BRINP2: variants seen among roughly 807,000 people sequenced by gnomAD.
BRINP2 encodes BMP/retinoic acid inducible neural specific 2, also known as BMP/retinoic acid-inducible neural-specific protein 2.
In BRINP2, 21 loss-of-function variants were observed where a neutral mutation model predicts 69.2. That is an observed-to-expected ratio of 0.30 (90% CI 0.22 to 0.44). The LOEUF is 0.44. Ranked by LOEUF, BRINP2 falls within the 20% of genes least tolerant of loss-of-function variation. BRINP2 has a pLI of 1.00. For synonymous variants in BRINP2, 380 were observed against 394.1 expected (o/e 0.96, Z 0.42); for missense variants, 877 against 986.0 (o/e 0.89, Z 1.48).
intron 1 of BRINP2, among the ~76,000 whole-genome samples, chr1:177,180,927 G>A (rs1190286659): frequency 6.6e-6 from 1 of 152,196 alleles, no homozygotes; most frequent in Non-Finnish European, 1.5e-5. Context: ...CTCGTTCTCA[G>A]TAATTGAAAA....
At chr1:177,227,719 T>C (rs1649739684) in intron 1 of BRINP2, among the ~76,000 whole-genome samples, 1 of 152,202 alleles carries the variant, frequency 6.6e-6, no homozygotes, top group Non-Finnish European at 1.5e-5. Flanking sequence ...CTGGAACTAA[T>C]TTTCCAATAT....
chr1:177,271,848 C>T (rs564704046), intron 4 of BRINP2, among the ~76,000 whole-genome samples: 26 of 152,270 alleles, frequency 1.7e-4, no homozygotes, highest in African/African-American at 6.3e-4. Flanking sequence ...TGGCTTACTT[C>T]CTTCATAAAG....
At chr1:177,229,339 C>G (rs1649793065) in intron 1 of BRINP2, among the ~76,000 whole-genome samples, 1 of 152,214 alleles carries the variant, frequency 6.6e-6, no homozygotes, top group African/African-American at 2.4e-5. Context: ...AAATGGGTTG[C>G]TTCTCACCTT....
chr1:177,255,275 AAC>A (rs907725838), intron 2 of BRINP2, among the ~76,000 whole-genome samples: 5 of 152,358 alleles, frequency 3.3e-5, no homozygotes, highest in African/African-American at 1.2e-4. Flanking sequence ...TTTGTTTCAG[AAC>A]ATACAGTTGT....
At chr1:177,204,775 C>T (rs941843051) in intron 1 of BRINP2, among the ~76,000 whole-genome samples, 6 of 152,060 alleles carry the variant, frequency 3.9e-5, no homozygotes, top group Admixed American at 2.0e-4. Flanking sequence ...TACCCATAAA[C>T]CTACCAACCA....
Position 177,281,719 on chromosome 1 carries a change from T to TACACAC in BRINP2, c.*206_*211dup, listed in dbSNP as rs113470314. The stretch of plus-strand genomic sequence containing the variant: ...GCTACTGCGTGCGTGCGCGCACGCA[T>TACACAC]ACACACACACACACACACACTGGCA... On this transcript the variant is annotated 3_prime_UTR_variant, in exon 8 of 8. Coordinates refer to ENST00000361539, the MANE Select transcript of BRINP2 (RefSeq NM_021165.4). The TACACAC allele has an allele frequency of 6.9e-5, 38 of 548,780 alleles. No homozygotes were observed. The highest frequency in any genetic ancestry group is 5.4e-4 in the African/African-American group (28 of 52,298). The allele number at this position is 548,780 out of a possible 1,614,324, so 34.0% of individuals were successfully genotyped here.
chr1:177,198,880 G>A (rs936295052), intron 1 of BRINP2, among the ~76,000 whole-genome samples: 1 of 152,150 alleles, frequency 6.6e-6, no homozygotes, highest in East Asian at 1.9e-4. Context: ...AGAGAGAAGA[G>A]CCACTTTTAC....
rs979003846 is a variant in BRINP2, at chr1:177,281,654, G to A, written c.*126G>A. On this transcript the variant is annotated 3_prime_UTR_variant, in exon 8 of 8. Transcript: ENST00000361539. ...CGAGACTTTCAGCATCCAGTAGATG[G>A]GACCTCGAGGCTCGAGCTGAAGCAG... is the stretch of plus-strand genomic sequence containing the variant. The A allele has an allele frequency of 1.5e-6, 2 of 1,293,318 alleles. No homozygotes were observed. The highest frequency in any genetic ancestry group is 2.1e-6 in the Non-Finnish European group (2 of 949,326). 80.1% of individuals were successfully genotyped at this position (1,293,318 alleles called of 1,614,324 possible). A position where few individuals can be genotyped will look rare whatever the true frequency, so the allele number is the denominator to read the frequency against.
intron 2 of BRINP2, among the ~76,000 whole-genome samples, chr1:177,241,899 G>T (rs1650217046): frequency 6.6e-6 from 1 of 152,200 alleles, no homozygotes; most frequent in African/African-American, 2.4e-5. Flanking sequence ...AAATGTGCTG[G>T]AGTTGTGTCT....
intron 1 of BRINP2, among the ~76,000 whole-genome samples, chr1:177,182,584 A>G (rs2102290228): frequency 6.6e-6 from 1 of 152,276 alleles, no homozygotes; most frequent in African/African-American, 2.4e-5. Flanking sequence ...CCCTTAAAGA[A>G]CGCACCAGTA....
chr1:177,256,291 CTATT>C (rs1650753967), intron 3 of BRINP2, 182 bp downstream of exon 3: 3 of 981,488 alleles, frequency 3.1e-6, no homozygotes, highest in Non-Finnish European at 3.6e-6. Context: ...CAGAACATCT[CTATT>C]TAATTATTCC....
intron 2 of BRINP2, among the ~76,000 whole-genome samples, chr1:177,244,015 G>A (rs1414990418): frequency 4.6e-5 from 7 of 152,164 alleles, no homozygotes; most frequent in Non-Finnish European, 1.0e-4. Flanking sequence ...AGCCCAGGAG[G>A]AAAATGGAAA....
intron 3 of BRINP2, chr1:177,256,825 G>A: frequency 8.6e-7 from 1 of 1,161,058 alleles, no homozygotes; most frequent in Non-Finnish European, 1.1e-6. Context: ...CCTTCCTGAG[G>A]GAGCAGAAAA....
At chr1:177,209,207 G>T (rs1005442314) in intron 1 of BRINP2, among the ~76,000 whole-genome samples, 1 of 150,726 alleles carries the variant, frequency 6.6e-6, no homozygotes, top group African/African-American at 2.4e-5. Context: ...TTCTAAGTTA[G>T]GATATTTAAA....
intron 2 of BRINP2, among the ~76,000 whole-genome samples, chr1:177,250,831 CTG>C (rs1650557907): frequency 6.6e-6 from 1 of 152,200 alleles, no homozygotes; most frequent in Non-Finnish European, 1.5e-5. Context: ...GTCAGACAGT[CTG>C]TGTTTAAATC....
intron 2 of BRINP2, among the ~76,000 whole-genome samples, chr1:177,234,486 G>A (rs1391606712): frequency 6.6e-6 from 1 of 152,164 alleles, no homozygotes; most frequent in Non-Finnish European, 1.5e-5. Flanking sequence ...ACAAATCAAA[G>A]TAATGAGCAG....
chr1:177,212,079 AG>A (rs1649238322), intron 1 of BRINP2, among the ~76,000 whole-genome samples: 11 of 146,596 alleles, frequency 7.5e-5, no homozygotes, highest in African/African-American at 2.7e-4. Flanking sequence ...ATAGATAGAT[AG>A]ATAGATAGAT....
rs745594869 is a variant in BRINP2 at position 177,281,258 on chromosome 1, A to G, written c.2082A>G (p.Pro694=). ...QVFGYSLPFD[P]DAIRDLILQL... is the part of the protein sequence containing the mutation. ...TTGGCTACAGCCTGCCCTTTGACCC[A>G]GATGCTATCCGGGACTTAATTCTCC... Residue 694 remains proline, a synonymous_variant, in exon 8 of 8, where the codon CCA becomes CCG. Transcript: ENST00000361539. The G allele has an allele frequency of 6.2e-7, 1 of 1,614,164 alleles. No homozygotes were observed. The highest frequency in any genetic ancestry group is 8.5e-7 in the Non-Finnish European group (1 of 1,180,032).
At chr1:177,203,910 G>A (rs1343946832) in intron 1 of BRINP2, among the ~76,000 whole-genome samples, 1 of 152,222 alleles carries the variant, frequency 6.6e-6, no homozygotes, top group African/African-American at 2.4e-5. Context: ...GACCCTGACA[G>A]AGAGATTCAA....
Sources: gnomAD v4.1 joint callset for allele counts (sites outside exome capture counted in the v4.1 genomes callset) on GRCh38, gnomAD v4.1.1 for gene constraint, MANE v1.5 for transcripts, NCBI Gene and HGNC (gene_info 2026-07-23, HGNC 2026-07-21) for gene names.